RYR1: variants seen among roughly 807,000 people sequenced by gnomAD.
RYR1 encodes the protein ryanodine receptor 1.
A neutral mutation model predicts 583.5 loss-of-function variants in RYR1; 342 were observed. The observed-to-expected ratio is 0.59, with a 90% CI of 0.54 to 0.64. RYR1 has a LOEUF of 0.64. Among genes scored for constraint, RYR1 ranks in the 30% least tolerant of loss-of-function variants. RYR1 has a pLI of 0.00. For synonymous variants in RYR1, 2,791 were observed against 2,822.5 expected, an observed-to-expected ratio of 0.99 and a Z score of 0.35; for missense variants, 6,032 against 6,917.2, an observed-to-expected ratio of 0.87 and a Z score of 4.54.
intron 13 of RYR1, among the ~76,000 whole-genome samples, chr19:38,454,471 A>G (rs905460419): frequency 2.0e-5 from 3 of 152,240 alleles, no homozygotes; most frequent in Admixed American, 1.3e-4. Flanking sequence ...AGATAAGCTT[A>G]ATTAAGGCAT....
At chr19:38,502,484 G>A in intron 47 of RYR1, 23 bp from the exon 48 acceptor site, 2 of 1,596,872 alleles carry the variant, frequency 1.3e-6, no homozygotes, top group Non-Finnish European at 1.7e-6. Flanking sequence ...CAGCGGGCCT[G>A]ATGTCCTCAC....
intron 58 of RYR1, among the ~76,000 whole-genome samples, chr19:38,508,197 A>G (rs1970566810): frequency 6.6e-6 from 1 of 151,700 alleles, no homozygotes; most frequent in African/African-American, 2.4e-5. Context: ...TTTTATTTTT[A>G]TTTTTTATTT....
rs1275954542 is a variant in RYR1 at position 38,455,565 on chromosome 19, G to A, written c.1672+19G>A. On this transcript the variant is annotated intron_variant, in intron 15 of 105. Transcript: ENST00000359596. Reference sequence around the variant, plus strand: ...TCGTCTGGTAGGAGAACCCGGGGGAGTGGGACAGAGGCTTGTGGGAGGGGA... The same window carrying A: ...TCGTCTGGTAGGAGAACCCGGGGGAATGGGACAGAGGCTTGTGGGAGGGGA... 6.2e-7 allele frequency: 1 copy of A among 1,613,466 alleles called. No homozygotes were observed. Among genetic ancestry groups the A allele is most frequent in the African/African-American group, 1.3e-5 (1 of 74,878 alleles).
At chr19:38,529,525 C>T (rs1971637586) in intron 76 of RYR1, among the ~76,000 whole-genome samples, 1 of 152,174 alleles carries the variant, frequency 6.6e-6, no homozygotes, top group Admixed American at 6.5e-5. Context: ...CTAGGACAGG[C>T]ACAGCCAACA....
intron 1 of RYR1, among the ~76,000 whole-genome samples, chr19:38,436,578 T>A (rs1415187155): frequency 1.3e-5 from 2 of 152,232 alleles, no homozygotes; most frequent in Non-Finnish European, 2.9e-5. Context: ...TGTTGCTTTT[T>A]GTTGCCGAAT....
rs757552741 is a variant in RYR1, at chr19:38,504,969, G to C, written c.8232-34G>C. On this transcript the variant is annotated intron_variant, in intron 51 of 105. Coordinates refer to ENST00000359596, the MANE Select transcript of RYR1 (RefSeq NM_000540.3). ...GATTTCAGGGGTGGAGGGAACCCCAGCTCCAACATCTGCTGACCCTGTGCC... is the reference window on the plus strand; with the variant it reads ...GATTTCAGGGGTGGAGGGAACCCCACCTCCAACATCTGCTGACCCTGTGCC... 6 of 1,613,916 alleles carry C rather than the reference G, an allele frequency of 3.7e-6. No individual in the cohort carries two copies. In the African/African-American group the frequency reaches 6.7e-5, roughly 18 times the overall value.
rs1424893787 is a variant in RYR1, at chr19:38,473,656, G to C, written c.4045G>C (p.Glu1349Gln). ...CTGGAGCGAGGCAGAGAACGGCAAA[G>C]AAGGGACTGCGAAGGAGGGCGCCCC... ...GGWSEAENGKEGTAKEGAPGG... is the reference protein window; with the variant it reads ...GGWSEAENGKQGTAKEGAPGG... Residue 1349 changes from glutamate to glutamine, a missense_variant, in exon 28 of 106, where the codon GAA becomes CAA. Around this residue, in one of 11 missense-constraint regions of RYR1, gnomAD observed 2,627 missense variants for 2,961.3 expected, o/e 0.89. Transcript: ENST00000359596. 2.6e-6 allele frequency: 4 copies of C among 1,555,150 alleles called. No individual in the cohort carries two copies. The highest frequency in any genetic ancestry group is 1.7e-6 in the Non-Finnish European group (2 of 1,149,506).
rs373616132 is a variant in RYR1, at chr19:38,558,399, G to A, written c.12283-2714G>A. Among the ~76,000 whole-genome samples, 6 of 152,268 alleles carry A rather than the reference G, an allele frequency of 3.9e-5. No individual in the cohort carries two copies. The East Asian group carries it at 7.7e-4, about 20-fold the overall frequency. ...ATAAATGCCAGAGGGAATGGATAAC[G>A]CATTAACCCTGATGTGAGTACGTAT... On this transcript the variant is annotated intron_variant, in intron 89 of 105. Coordinates refer to ENST00000359596, the MANE Select transcript of RYR1 (RefSeq NM_000540.3).
At position 38,463,658 on chromosome 19, in the gene RYR1, T is replaced by C. The variant is rs1327794591; in HGVS notation, c.2683-89T>C. ...GTCCTTGGACTGAGGGTGGCAGAAC[T>C]AGGGTTGGAGGTCAGGGGTCATAGT... On this transcript the variant is annotated intron_variant, in intron 21 of 105. Transcript: ENST00000359596. 4 of 1,475,518 alleles carry C rather than the reference T, an allele frequency of 2.7e-6. No homozygotes were observed. The East Asian group carries it at 9.0e-5, about 33-fold the overall frequency. 91.4% of individuals were successfully genotyped at this position (1,475,518 alleles called of 1,614,324 possible).
Position 38,442,334 on chromosome 19 carries a change from C to T in RYR1, c.166-15C>T, listed in dbSNP as rs943405475. The T allele has an allele frequency of 8.3e-6, 13 of 1,571,972 alleles. No homozygotes were observed. The highest frequency in any genetic ancestry group is 1.1e-5 in the South Asian group (1 of 90,288). On this transcript the variant is annotated splice_polypyrimidine_tract_variant and intron_variant, in intron 2 of 105. Coordinates refer to ENST00000359596, the MANE Select transcript of RYR1 (RefSeq NM_000540.3). ...GGTCTTCTGACCCCTCACTTACATC[C>T]CCCTCCCACCCCAGAATGTGCCCCC...
Position 38,543,327 on chromosome 19 carries a change from A to G in RYR1, c.11690-20A>G, listed in dbSNP as rs777580015. 1 of 1,610,584 alleles carries G rather than the reference A, an allele frequency of 6.2e-7. No homozygotes were observed. The highest frequency in any genetic ancestry group is 1.1e-5 in the South Asian group (1 of 91,018). ...CTAGCACATGGGAGGTGCTGGATAAATGACTTTTCATCTCCCCAGATTTCC... is the reference window on the plus strand; with the variant it reads ...CTAGCACATGGGAGGTGCTGGATAAGTGACTTTTCATCTCCCCAGATTTCC... On this transcript the variant is annotated intron_variant, in intron 84 of 105. Coordinates refer to ENST00000359596, the MANE Select transcript of RYR1 (RefSeq NM_000540.3). The surrounding 1 kb of genome is among the most constrained non-coding windows in gnomAD (Gnocchi z 4.4).
Position 38,457,614 on chromosome 19 carries a change from A to T in RYR1, c.1909A>T (p.Ile637Phe). 5 of 1,614,134 alleles carry T rather than the reference A, an allele frequency of 3.1e-6. No homozygotes were observed. The highest frequency in any genetic ancestry group is 4.2e-6 in the Non-Finnish European group (5 of 1,180,028). ...TGAGCTTCTGCTGCAGACAAACCTC[A>T]TCAACTATGTCACCAGGTCTGGCTC... Reference protein sequence around the residue: ...GRELLLQTNLINYVTSIRPNI... With the variant: ...GRELLLQTNLFNYVTSIRPNI... Residue 637 changes from isoleucine to phenylalanine, a missense_variant, in exon 17 of 106, where the codon ATC becomes TTC. Coordinates refer to ENST00000359596, the MANE Select transcript of RYR1 (RefSeq NM_000540.3).
chr19:38,446,013 A>C (rs7249795), intron 7 of RYR1, among the ~76,000 whole-genome samples: 91,046 of 151,622 alleles, frequency 0.6, 27,860 homozygotes, highest in Admixed American at 0.67. Flanking sequence ...AAAACGAAAC[A>C]AAAAAACCCT....
intron 89 of RYR1, among the ~76,000 whole-genome samples, chr19:38,554,191 A>G (rs1261563661): frequency 1.3e-5 from 2 of 151,170 alleles, no homozygotes; most frequent in Non-Finnish European, 2.9e-5. Context: ...GGCTATAACA[A>G]TTACTCTTGC....
chr19:38,514,934 C>G (rs1319888920), intron 63 of RYR1, 92 bp from the exon 64 acceptor site: 2 of 824,374 alleles, frequency 2.4e-6, no homozygotes, highest in East Asian at 2.5e-5. Flanking sequence ...TGCTCTTCCC[C>G]ACTGCATGGG....
intron 58 of RYR1, 148 bp from the exon 59 acceptor site, chr19:38,510,350 G>C (rs978930879): frequency 6.0e-5 from 47 of 785,660 alleles, no homozygotes; most frequent in Non-Finnish European, 9.4e-5. Context: ...ATAGGAGAAA[G>C]GTTTATCTCA....
chr19:38,476,432 C>T (rs557337573), intron 29 of RYR1, among the ~76,000 whole-genome samples: 33 of 152,236 alleles, frequency 2.2e-4, no homozygotes, highest in African/African-American at 7.7e-4. Context: ...CTCCTGACCT[C>T]GTGGTCTACC....
At chr19:38,478,824 A>G (rs1968874381) in intron 31 of RYR1, among the ~76,000 whole-genome samples, 1 of 152,124 alleles carries the variant, frequency 6.6e-6, no homozygotes, top group South Asian at 2.1e-4. Context: ...CTGGAGTGCA[A>G]TGGGACGATC....
chr19:38,485,752 C>A lies in RYR1; in HGVS notation c.5097C>A (p.Asp1699Glu). The change falls in exon 34 of 106, where the codon GAC (aspartate) becomes GAA (glutamate). Residue 1699 changes from aspartate (D) to glutamate (E), a missense_variant. Asp to Glu is a conservative substitution (Grantham distance 45). Transcript: ENST00000359596. ...CTCAGCTGCTGCACGCCCTGGAGGACGCGCACCTGCCAGGCCCACTGCGCG... is the reference window on the plus strand; with the variant it reads ...CTCAGCTGCTGCACGCCCTGGAGGAAGCGCACCTGCCAGGCCCACTGCGCG... ...DQAQLLHALE[D>E]AHLPGPLRAG... 6.2e-7 allele frequency: 1 copy of A among 1,612,940 alleles called. No individual in the cohort carries two copies. Among genetic ancestry groups the A allele is most frequent in the Non-Finnish European group, 8.5e-7 (1 of 1,179,952 alleles).
Sources: gnomAD v4.1 joint callset for allele counts (sites outside exome capture counted in the v4.1 genomes callset) on GRCh38, gnomAD v4.1.1 for gene constraint, gnomAD v4.1.1 regional missense constraint, Gnocchi (gnomAD v3.1) non-coding constraint, MANE v1.5 for transcripts, NCBI Gene and HGNC (gene_info 2026-07-23, HGNC 2026-07-21) for gene names.